EPHA3: variants seen among roughly 807,000 people sequenced by gnomAD.
The protein encoded by EPHA3 is ephrin type-A receptor 3.
A neutral mutation model predicts 107.1 loss-of-function variants in EPHA3; 42 were observed. The ratio of observed to expected loss-of-function variants is 0.39; its 90% CI spans 0.31 to 0.51. EPHA3 has a LOEUF of 0.51. Among genes scored for constraint, EPHA3 ranks in the 20% least tolerant of loss-of-function variants. The pLI is 0.78. For missense variants in EPHA3, 1,183 were observed against 1,211.2 expected (o/e 0.98, Z 0.35); for synonymous variants, 461 against 424.8 (o/e 1.09, Z -1.05).
At chr3:89,184,746 C>T (rs1282857888) in intron 2 of EPHA3, among the ~76,000 whole-genome samples, 1 of 151,958 alleles carries the variant, frequency 6.6e-6, no homozygotes, top group Non-Finnish European at 1.5e-5. Context: ...TTCTTCCCCA[C>T]ATCTAATAAG....
At chr3:89,234,090 C>G (rs1243920522) in intron 3 of EPHA3, among the ~76,000 whole-genome samples, 1 of 151,880 alleles carries the variant, frequency 6.6e-6, no homozygotes, top group Admixed American at 6.6e-5. Context: ...AGGCAAATAA[C>G]ATAGAGTAGG....
chr3:89,412,504 A>G (rs1321317943), intron 9 of EPHA3, among the ~76,000 whole-genome samples: 1 of 151,576 alleles, frequency 6.6e-6, no homozygotes, highest in Non-Finnish European at 1.5e-5. Flanking sequence ...TGGTGTGTAT[A>G]CATGTATGTA....
intron 3 of EPHA3, among the ~76,000 whole-genome samples, chr3:89,282,641 T>A (rs1268382857): frequency 2.6e-5 from 4 of 152,104 alleles, no homozygotes; most frequent in Admixed American, 2.6e-4. Flanking sequence ...TTATTTACTT[T>A]ATTGATATTC....
chr3:89,250,882 A>AT (rs1353885882), intron 3 of EPHA3, among the ~76,000 whole-genome samples: 1 of 152,176 alleles, frequency 6.6e-6, no homozygotes, highest in Non-Finnish European at 1.5e-5. Context: ...ATGCTTGGTG[A>AT]TATCTTTCTA....
rs1381614932 is a variant in EPHA3, at chr3:89,365,334, G to T, written c.1306+23244G>T. Among the ~76,000 whole-genome samples, 3 of 150,788 alleles carry T rather than the reference G, an allele frequency of 2.0e-5. No individual in the cohort carries two copies. In the Admixed American group the frequency reaches 2.0e-4, roughly 10 times the overall value. On this transcript the variant is annotated intron_variant, in intron 5 of 16. Coordinates refer to ENST00000336596, the MANE Select transcript of EPHA3 (RefSeq NM_005233.6). ...GAAGACTGAAAGGGCAATGGTGGAT[G>T]GAATGGTGGCTTAAGGTCTACAATC...
At chr3:89,455,401 G>C (rs984013350) in intron 15 of EPHA3, among the ~76,000 whole-genome samples, 7 of 152,198 alleles carry the variant, frequency 4.6e-5, no homozygotes, top group South Asian at 2.1e-4. Flanking sequence ...CTAGGAAGTG[G>C]CAGAGAATAA....
At chr3:89,256,004 G>A (rs1705276129) in intron 3 of EPHA3, among the ~76,000 whole-genome samples, 1 of 152,144 alleles carries the variant, frequency 6.6e-6, no homozygotes, top group African/African-American at 2.4e-5. Flanking sequence ...AAAGCCAGCA[G>A]ATCACAAGGT....
At chr3:89,276,371 C>A (rs1164148091) in intron 3 of EPHA3, among the ~76,000 whole-genome samples, 1 of 152,006 alleles carries the variant, frequency 6.6e-6, no homozygotes, top group African/African-American at 2.4e-5. Flanking sequence ...TTGATCAAAC[C>A]TGTCACTAGC....
chr3:89,272,441 C>T (rs1705693327), intron 3 of EPHA3, among the ~76,000 whole-genome samples: 1 of 151,850 alleles, frequency 6.6e-6, no homozygotes, highest in Non-Finnish European at 1.5e-5. Flanking sequence ...TAAACCAAAG[C>T]CCTCTCTTAA....
chr3:89,277,823 A>G (rs1416388671), intron 3 of EPHA3, among the ~76,000 whole-genome samples: 1 of 152,042 alleles, frequency 6.6e-6, no homozygotes, highest in Non-Finnish European at 1.5e-5. Context: ...ATTTAAAGCA[A>G]TTTTGTTCTG....
chr3:89,206,778 A>G (rs1706117670), intron 2 of EPHA3, among the ~76,000 whole-genome samples: 1 of 152,220 alleles, frequency 6.6e-6, no homozygotes, highest in Non-Finnish European at 1.5e-5. Flanking sequence ...AAAACTCAGT[A>G]TATTACATAC....
At chr3:89,295,440 G>A (rs1162903718) in intron 3 of EPHA3, among the ~76,000 whole-genome samples, 4 of 151,996 alleles carry the variant, frequency 2.6e-5, no homozygotes, top group Non-Finnish European at 5.9e-5. Context: ...CATCTTTCAC[G>A]AAAGATTTCT....
At chr3:89,292,390 AAT>A (rs1450186720) in intron 3 of EPHA3, among the ~76,000 whole-genome samples, 2 of 152,158 alleles carry the variant, frequency 1.3e-5, no homozygotes. Context: ...GTTGTATGCA[AAT>A]ACTATGGCAT....
intron 13 of EPHA3, among the ~76,000 whole-genome samples, chr3:89,445,156 C>T (rs1050441974): frequency 2.0e-5 from 3 of 152,234 alleles, no homozygotes; most frequent in Non-Finnish European, 2.9e-5. Flanking sequence ...ATCCCAGCTA[C>T]TAAGGAGGCT....
chr3:89,411,165 C>T (rs888038885), intron 9 of EPHA3, among the ~76,000 whole-genome samples: 1 of 146,964 alleles, frequency 6.8e-6, no homozygotes, highest in African/African-American at 2.5e-5. Context: ...AATAGTATAG[C>T]TTTTTTTTTT....
Position 89,210,512 on chromosome 3 carries a change from T to C in EPHA3, c.806T>C (p.Met269Thr). ...CNAGYEERGF[M>T]CQACRPGFYK... ...GCTGGCTATGAAGAAAGAGGTTTTA[T>C]GTGCCAAGGTAAGAGCCTTCTCTAT... Residue 269 changes from methionine (M) to threonine (T), a missense_variant, in exon 3 of 17, where the codon ATG becomes ACG. By Grantham distance (81) the Met-to-Thr change is moderately conservative (BLOSUM62 -1). Coordinates refer to ENST00000336596, the MANE Select transcript of EPHA3 (RefSeq NM_005233.6). 1 of 1,545,572 alleles carries C rather than the reference T, an allele frequency of 6.5e-7. No individual in the cohort carries two copies. Among genetic ancestry groups the C allele is most frequent in the Non-Finnish European group, 8.7e-7 (1 of 1,150,784 alleles).
intron 5 of EPHA3, among the ~76,000 whole-genome samples, chr3:89,348,453 G>A (rs1398916153): frequency 2.8e-5 from 3 of 105,318 alleles, no homozygotes; most frequent in Non-Finnish European, 5.5e-5. Context: ...TGTGGGATCG[G>A]TGGTGATATC....
intron 2 of EPHA3, among the ~76,000 whole-genome samples, chr3:89,196,903 T>C (rs1705849070): frequency 6.6e-6 from 1 of 152,128 alleles, no homozygotes; most frequent in African/African-American, 2.4e-5. Flanking sequence ...GAATCTGTTA[T>C]TTTCTTCCTA....
At chr3:89,467,998 G>A (rs568832153) in intron 15 of EPHA3, among the ~76,000 whole-genome samples, 1 of 152,250 alleles carries the variant, frequency 6.6e-6, no homozygotes, top group South Asian at 2.1e-4. Context: ...TCAGACCAAT[G>A]TCTGGGGCTG....
Sources: gnomAD v4.1 joint callset for allele counts (sites outside exome capture counted in the v4.1 genomes callset) on GRCh38, gnomAD v4.1.1 for gene constraint, MANE v1.5 for transcripts, NCBI Gene and HGNC (gene_info 2026-07-23, HGNC 2026-07-21) for gene names.